The following LRP1B variants were observed in gnomAD, a reference collection of about 807,000 sequenced individuals.
The protein encoded by LRP1B is low-density lipoprotein receptor-related protein 1B.
A neutral mutation model predicts 556.6 loss-of-function variants in LRP1B; 217 were observed. The ratio of observed to expected loss-of-function variants is 0.39; its 90% CI spans 0.35 to 0.44. The LOEUF is 0.44. Ranked by LOEUF, LRP1B falls within the 20% of genes least tolerant of loss-of-function variation. The pLI is 1.00. For missense variants in LRP1B, 5,053 were observed against 5,620.8 expected (o/e 0.90, Z 3.23); for synonymous variants, 2,047 against 1,865.8 (o/e 1.10, Z -2.50).
chr2:140,818,863 G>A (rs1333172518), intron 31 of LRP1B, among the ~76,000 whole-genome samples: 3 of 149,514 alleles, frequency 2.0e-5, no homozygotes, highest in Non-Finnish European at 4.4e-5. Context: ...CTTGAACCCA[G>A]GAGGTAGAGG....
At chr2:141,880,699 G>C (rs1698928312) in intron 1 of LRP1B, among the ~76,000 whole-genome samples, 1 of 151,872 alleles carries the variant, frequency 6.6e-6, no homozygotes, top group Non-Finnish European at 1.5e-5. Context: ...ATTTTCACCT[G>C]GAAATTTGGA....
At chr2:140,720,609 A>T (rs909764357) in intron 35 of LRP1B, among the ~76,000 whole-genome samples, 1 of 152,054 alleles carries the variant, frequency 6.6e-6, no homozygotes, top group African/African-American at 2.4e-5. Flanking sequence ...TTAGAGACTA[A>T]ATCATGCAGG....
intron 84 of LRP1B, among the ~76,000 whole-genome samples, chr2:140,278,552 T>C (rs1307640546): frequency 6.6e-6 from 1 of 151,998 alleles, no homozygotes; most frequent in East Asian, 1.9e-4. Context: ...GCGTCCAATT[T>C]TTTTTCATAG....
intron 7 of LRP1B, among the ~76,000 whole-genome samples, chr2:141,103,464 T>C (rs1320203193): frequency 2.0e-5 from 3 of 149,336 alleles, no homozygotes; most frequent in Admixed American, 6.7e-5. Flanking sequence ...CATTTACAGA[T>C]TGACTAATTA....
chr2:140,364,483 A>G (rs1379988408), intron 72 of LRP1B, among the ~76,000 whole-genome samples, 178 bp downstream of exon 72: 2 of 151,610 alleles, frequency 1.3e-5, no homozygotes, highest in East Asian at 1.9e-4. Flanking sequence ...TAAAGTCATA[A>G]CTTCGGAACC....
chr2:141,862,234 T>C (rs1388153729), intron 1 of LRP1B, among the ~76,000 whole-genome samples: 2 of 152,182 alleles, frequency 1.3e-5, no homozygotes, highest in Non-Finnish European at 2.9e-5. Context: ...TACACCACCA[T>C]ATGTCCCTCT....
At position 141,639,349 on chromosome 2, in the gene LRP1B, T is replaced by TACACACACAC. The variant is rs1553440025; in HGVS notation, c.206-158826_206-158817dup. 4.6e-3 allele frequency among the ~76,000 whole-genome samples: 260 copies of TACACACACAC among 56,034 alleles called. 4 individuals carry two copies. The highest frequency in any genetic ancestry group is 0.021 in the East Asian group (24 of 1,166). 36.8% of individuals were successfully genotyped at this position (56,034 alleles called of 152,430 possible). ...ATATATATATATATATATATATATA[T>TACACACACAC]ACACACACACACACATATATATATA... On this transcript the variant is annotated intron_variant, in intron 2 of 90. Coordinates refer to ENST00000389484, the MANE Select transcript of LRP1B (RefSeq NM_018557.3).
chr2:140,622,965 A>G (rs1683507885), intron 41 of LRP1B, among the ~76,000 whole-genome samples: 1 of 152,226 alleles, frequency 6.6e-6, no homozygotes, highest in Admixed American at 6.5e-5. Flanking sequence ...GGCATCAGCA[A>G]TCAAATCCTG....
intron 7 of LRP1B, among the ~76,000 whole-genome samples, chr2:141,124,023 G>A (rs149113529): frequency 6.6e-6 from 1 of 152,218 alleles, no homozygotes; most frequent in African/African-American, 2.4e-5. Context: ...ATAAGAGGGA[G>A]AGAGAATATG....
At chr2:140,496,181 T>C (rs1688924545) in intron 55 of LRP1B, among the ~76,000 whole-genome samples, 1 of 152,162 alleles carries the variant, frequency 6.6e-6, no homozygotes, top group Non-Finnish European at 1.5e-5. Context: ...TTGAGCAGTA[T>C]AGAAATCTCT....
intron 1 of LRP1B, among the ~76,000 whole-genome samples, chr2:141,967,536 T>G (rs1035975202): frequency 1.3e-5 from 2 of 151,880 alleles, no homozygotes; most frequent in African/African-American, 2.4e-5. Context: ...TTCAAATGTA[T>G]ACACACAGAT....
chr2:141,061,192 C>T (rs570983549), intron 8 of LRP1B, among the ~76,000 whole-genome samples: 23 of 151,654 alleles, frequency 1.5e-4, no homozygotes, highest in Non-Finnish European at 2.4e-4. Flanking sequence ...ACTCCAACCC[C>T]ACCCCAGACA....
At chr2:140,841,694 T>C (rs1692109887) in intron 29 of LRP1B, among the ~76,000 whole-genome samples, 2 of 152,204 alleles carry the variant, frequency 1.3e-5, no homozygotes, top group South Asian at 4.1e-4. Context: ...TTTGGATTTG[T>C]TACAGCCAAT....
chr2:140,470,644 CAAAAAAAA>C (rs35981828), intron 60 of LRP1B, among the ~76,000 whole-genome samples: 7 of 58,556 alleles, frequency 1.2e-4, no homozygotes, highest in Admixed American at 8.7e-4. Context: ...GACTCTGTCT[CAAAAAAAA>C]AAAAAAAAAA....
At chr2:141,766,918 G>T (rs1274064846) in intron 2 of LRP1B, among the ~76,000 whole-genome samples, 1 of 152,140 alleles carries the variant, frequency 6.6e-6, no homozygotes, top group Non-Finnish European at 1.5e-5. Context: ...GAACCTCATA[G>T]AGAGGGGAAG....
chr2:141,450,891 C>T (rs937461147), intron 3 of LRP1B, among the ~76,000 whole-genome samples: 1 of 152,018 alleles, frequency 6.6e-6, no homozygotes, highest in African/African-American at 2.4e-5. Flanking sequence ...GCCCTAGGGT[C>T]GAAGTATTTT....
At chr2:140,528,053 G>A (rs16844139) in intron 47 of LRP1B, among the ~76,000 whole-genome samples, 4,683 of 151,800 alleles carry the variant, frequency 0.031, 258 homozygotes, top group African/African-American at 0.11. Flanking sequence ...CTTGCAACTC[G>A]TTTCACCATC....
chr2:141,987,391 C>A (rs1036398), intron 1 of LRP1B, among the ~76,000 whole-genome samples: 131,547 of 151,788 alleles, frequency 0.87, 57,097 homozygotes, highest in East Asian at 0.95. Flanking sequence ...GTAGAGAGTA[C>A]CTTCTATAAG....
intron 63 of LRP1B, among the ~76,000 whole-genome samples, chr2:140,449,380 T>A (rs2105311905): frequency 6.6e-6 from 1 of 152,272 alleles, no homozygotes; most frequent in Non-Finnish European, 1.5e-5. Flanking sequence ...ATATTCCTTT[T>A]AACTTAATAG....
Sources: gnomAD v4.1 joint callset for allele counts (sites outside exome capture counted in the v4.1 genomes callset) on GRCh38, gnomAD v4.1.1 for gene constraint, MANE v1.5 for transcripts, NCBI Gene and HGNC (gene_info 2026-07-23, HGNC 2026-07-21) for gene names.